The following KIAA1549 variants were observed in gnomAD, a reference collection of about 807,000 sequenced individuals.
KIAA1549 encodes the protein UPF0606 protein KIAA1549.
KIAA1549 carries 70 observed loss-of-function variants against 156.4 expected under a neutral mutation model. That is an observed-to-expected ratio of 0.45 (90% CI 0.37 to 0.55). The LOEUF (loss-of-function observed/expected upper bound fraction) is 0.55, where lower values mean the gene tolerates loss of function less well. Ranked by LOEUF, KIAA1549 falls within the 20% of genes least tolerant of loss-of-function variation. The probability of loss-of-function intolerance (pLI) is 0.00; values close to 1 mark genes in which losing one functional copy is unlikely to be tolerated. For missense variants in KIAA1549, 2,428 were observed against 2,540.9 expected (o/e 0.96, Z 0.96); for synonymous variants, 1,103 against 1,066.4 (o/e 1.03, Z -0.67).
At chr7:138,974,659 G>A (rs1933060926) in intron 1 of KIAA1549, among the ~76,000 whole-genome samples, 1 of 151,748 alleles carries the variant, frequency 6.6e-6, no homozygotes, top group African/African-American at 2.4e-5. Flanking sequence ...CTGGCCTCAG[G>A]TGACCCACCT....
chr7:138,903,791 CAGTGTGTGTGTGTGTGTGTGTG>C (rs1563070516), intron 7 of KIAA1549, 55 bp from the exon 8 acceptor site: 1 of 1,352,584 alleles, frequency 7.4e-7, no homozygotes, highest in South Asian at 1.3e-5. Flanking sequence ...AGTAAAAAAA[CAGTGTGTGTGTGTGTGTGTGTG>C]TGTGTGTGTG....
intron 15 of KIAA1549, among the ~76,000 whole-genome samples, chr7:138,865,465 C>T (rs1009719392): frequency 9.3e-5 from 14 of 150,826 alleles, no homozygotes; most frequent in Admixed American, 5.9e-4. Context: ...TGTACATGTA[C>T]CACTGATTCT....
intron 13 of KIAA1549, 61 bp from the exon 14 acceptor site, chr7:138,869,822 A>G (rs1810874617): frequency 9.0e-7 from 1 of 1,114,602 alleles, no homozygotes; most frequent in Non-Finnish European, 1.3e-6. Context: ...TCTGGGACAC[A>G]CACTTCGCAA....
intron 1 of KIAA1549, among the ~76,000 whole-genome samples, chr7:138,942,038 CA>C (rs1343868943): frequency 6.6e-6 from 1 of 152,188 alleles, no homozygotes; most frequent in Non-Finnish European, 1.5e-5. Flanking sequence ...CACCCTCTCC[CA>C]GGTGCTATGA....
At chr7:138,905,160 T>A in intron 6 of KIAA1549, 79 bp from the exon 7 acceptor site, 1 of 931,592 alleles carries the variant, frequency 1.1e-6, no homozygotes. Context: ...TCCCAACACA[T>A]CGTCTTTACT....
At chr7:138,953,916 G>T (rs4371952) in intron 1 of KIAA1549, among the ~76,000 whole-genome samples, 64,012 of 152,034 alleles carry the variant, frequency 0.42, 17,731 homozygotes, top group African/African-American at 0.8. Context: ...GGTTTAAATG[G>T]CAGTATTTTT....
intron 10 of KIAA1549, among the ~76,000 whole-genome samples, chr7:138,890,285 G>A (rs760875300): frequency 2.0e-5 from 3 of 152,210 alleles, no homozygotes; most frequent in Non-Finnish European, 4.4e-5. Context: ...GAAGCCCACA[G>A]TATTCGGGTT....
intron 1 of KIAA1549, among the ~76,000 whole-genome samples, chr7:138,975,132 C>T (rs892047487): frequency 3.9e-5 from 6 of 152,010 alleles, no homozygotes; most frequent in African/African-American, 1.2e-4. Flanking sequence ...AGTGATGATG[C>T]GAGCTAAGAG....
intron 1 of KIAA1549, among the ~76,000 whole-genome samples, chr7:138,951,017 C>T (rs963411920): frequency 4.6e-5 from 7 of 152,126 alleles, no homozygotes; most frequent in South Asian, 2.1e-4. Flanking sequence ...AGGTCAGGCC[C>T]GCCCTAACCC....
chr7:138,918,076 G>GT lies in KIAA1549; in HGVS notation c.1549dup (p.Thr517AsnfsTer19). 6.2e-7 allele frequency: 1 copy of GT among 1,613,670 alleles called. No individual in the cohort carries two copies. Among genetic ancestry groups the GT allele is most frequent in the Non-Finnish European group, 8.5e-7 (1 of 1,179,794 alleles). ...GTGGGCAGGGGGAACCTGTGTGGTT[G>GT]TAACACTACTCATATCCACCTCGGC... On this transcript the variant is annotated frameshift_variant, in exon 2 of 20. Transcript: ENST00000422774. LOFTEE classifies it high-confidence loss of function. This position sits in a 1 kb window ranked among gnomAD's most constrained non-coding sequence, Gnocchi z 4.2.
chr7:138,946,422 G>T (rs545540200), intron 1 of KIAA1549, among the ~76,000 whole-genome samples: 1 of 152,052 alleles, frequency 6.6e-6, no homozygotes, highest in African/African-American at 2.4e-5. Flanking sequence ...TCTTTCTTTC[G>T]CTTGGCTATG....
At chr7:138,896,722 A>G (rs1811694751) in intron 9 of KIAA1549, among the ~76,000 whole-genome samples, 1 of 151,898 alleles carries the variant, frequency 6.6e-6, no homozygotes, top group Non-Finnish European at 1.5e-5. Context: ...AGACCCCCCA[A>G]GTAACTGGGA....
At position 138,978,683 on chromosome 7, in the gene KIAA1549, AG is replaced by A. The variant is rs1237341915; in HGVS notation, c.187+2399del. Reference sequence around the variant, plus strand: ...CACGGAAGGGAATGCTGCCTCACATAGGAAGTCCAAAACAGGTCTAAGCCAT... The same window carrying A: ...CACGGAAGGGAATGCTGCCTCACATAGAAGTCCAAAACAGGTCTAAGCCAT... On this transcript the variant is annotated intron_variant, in intron 1 of 19. Transcript: ENST00000422774. Among the ~76,000 whole-genome samples, 4 of 152,184 alleles carry A rather than the reference AG, an allele frequency of 2.6e-5. No homozygotes were observed. In the East Asian group the frequency reaches 5.8e-4, roughly 22 times the overall value.
intron 10 of KIAA1549, among the ~76,000 whole-genome samples, chr7:138,889,999 A>T (rs1265606817): frequency 6.6e-6 from 1 of 152,226 alleles, no homozygotes; most frequent in Non-Finnish European, 1.5e-5. Context: ...AGGTTTAATC[A>T]GTATTTTATA....
chr7:138,939,589 G>C (rs1813114191), intron 1 of KIAA1549, among the ~76,000 whole-genome samples: 1 of 152,180 alleles, frequency 6.6e-6, no homozygotes, highest in Non-Finnish European at 1.5e-5. Context: ...GGCTTCATTA[G>C]ATTCAGAATC....
chr7:138,848,411 T>C (rs755535087), intron 17 of KIAA1549, among the ~76,000 whole-genome samples: 1 of 152,216 alleles, frequency 6.6e-6, no homozygotes, highest in Admixed American at 6.5e-5. Flanking sequence ...ACCTGCTGTA[T>C]CTATTGAAAT....
chr7:138,901,002 T>C (rs1811825909), intron 8 of KIAA1549, among the ~76,000 whole-genome samples: 1 of 152,202 alleles, frequency 6.6e-6, no homozygotes, highest in African/African-American at 2.4e-5. Flanking sequence ...CTAATCCCAG[T>C]ATCCTTTCTA....
chr7:138,887,393 C>CT (rs1811423683), intron 10 of KIAA1549, among the ~76,000 whole-genome samples: 1 of 152,140 alleles, frequency 6.6e-6, no homozygotes, highest in Admixed American at 6.5e-5. Context: ...CATGGACTAG[C>CT]ACCCTGAGTT....
chr7:138,881,254 G>T, intron 11 of KIAA1549, 134 bp downstream of exon 11: 2 of 824,154 alleles, frequency 2.4e-6, no homozygotes, highest in Non-Finnish European at 3.7e-6. Flanking sequence ...TGTGACTTTG[G>T]GCAAGTCATC....
Sources: allele counts gnomAD v4.1 joint callset (sites outside exome capture counted in the v4.1 genomes callset), GRCh38; gene constraint gnomAD v4.1.1; non-coding constraint Gnocchi (gnomAD v3.1); transcripts MANE v1.5; gene names NCBI Gene and HGNC (gene_info 2026-07-23, HGNC 2026-07-21).